The following FLRT1 variants were observed in gnomAD, a reference collection of about 807,000 sequenced individuals.
FLRT1 encodes leucine-rich repeat transmembrane protein FLRT1.
In FLRT1, 14 loss-of-function variants were observed where a neutral mutation model predicts 30.9. The ratio of observed to expected loss-of-function variants is 0.45; its 90% CI spans 0.30 to 0.71. The LOEUF is 0.71. FLRT1 is among the 30% of genes least tolerant of loss of function. FLRT1 has a pLI of 0.08. For synonymous variants in FLRT1, 368 were observed against 430.4 expected (o/e 0.85, Z 1.80); for missense variants, 737 against 949.2 (o/e 0.78, Z 2.94).
At chr11:64,113,877 T>A (rs1944912577) in intron 2 of FLRT1, among the ~76,000 whole-genome samples, 1 of 142,754 alleles carries the variant, frequency 7.0e-6, no homozygotes, top group African/African-American at 2.6e-5. Context: ...GATACATGGA[T>A]GGATGGATGG....
chr11:64,038,621 A>C (rs951872032), intron 1 of FLRT1, among the ~76,000 whole-genome samples: 2 of 152,160 alleles, frequency 1.3e-5, no homozygotes, highest in African/African-American at 4.8e-5. Flanking sequence ...TGGGGCTAGC[A>C]GCCCCCTCCC....
rs1454960628 is a variant in FLRT1 at position 64,103,493 on chromosome 11, T to C, written c.-738T>C. 1 of 151,392 alleles carries C rather than the reference T, an allele frequency of 6.6e-6. No homozygotes were observed. Among genetic ancestry groups the C allele is most frequent in the Non-Finnish European group, 1.5e-5 (1 of 68,064 alleles). 9.4% of individuals were successfully genotyped at this position (151,392 alleles called of 1,614,324 possible). A position where few individuals can be genotyped will look rare whatever the true frequency, so the allele number is the denominator to read the frequency against. The stretch of plus-strand genomic sequence containing the variant: ...GGAGACACAGCCTGAGTGGCAGGAA[T>C]ACAGAGCCTTTGGAGAGTGGCTCCC... On this transcript the variant is annotated 5_prime_UTR_variant, in exon 2 of 3. Transcript: ENST00000682287.
intron 2 of FLRT1, among the ~76,000 whole-genome samples, chr11:64,105,557 C>T (rs916412566): frequency 6.6e-5 from 10 of 152,180 alleles, no homozygotes; most frequent in South Asian, 2.1e-4. Flanking sequence ...CATTCTATGA[C>T]GTGCCCAACA....
intron 1 of FLRT1, among the ~76,000 whole-genome samples, chr11:64,051,544 A>T (rs1943695507): frequency 6.6e-6 from 1 of 151,992 alleles, no homozygotes; most frequent in Non-Finnish European, 1.5e-5. Context: ...CGGGCAGGCT[A>T]ACAGCTGTTT....
At chr11:64,087,622 C>T (rs913956584) in intron 1 of FLRT1, among the ~76,000 whole-genome samples, 11 of 152,326 alleles carry the variant, frequency 7.2e-5, no homozygotes, top group African/African-American at 2.4e-4. Flanking sequence ...GCCTTGCCCG[C>T]GGCCCCAGCC....
In FLRT1 at chr11:64,113,417, CATGGATGG is replaced by C. The variant is rs71045732; in HGVS notation, c.-49-2776_-49-2769del. Among the ~76,000 whole-genome samples, 143 of 144,822 alleles carry C rather than the reference CATGGATGG, an allele frequency of 9.9e-4. 1 individual carries two copies. Among genetic ancestry groups the C allele is most frequent in the Non-Finnish European group, 1.5e-3 (100 of 65,692 alleles). Reference sequence around the variant, plus strand: ...GCATGTGTGAATGGACAGGTTGATGCATGGATGGATGGATGGATGGATGGATGGATGGA... The same window carrying C: ...GCATGTGTGAATGGACAGGTTGATGCATGGATGGATGGATGGATGGATGGA... On this transcript the variant is annotated intron_variant, in intron 2 of 2. Coordinates refer to ENST00000682287, the MANE Select transcript of FLRT1 (RefSeq NM_013280.5).
chr11:64,064,083 G>GTC lies in FLRT1; in HGVS notation c.-1038+27934_-1038+27935dup, dbSNP rs1369621129. Among the ~76,000 whole-genome samples, 5 of 152,108 alleles carry GTC rather than the reference G, an allele frequency of 3.3e-5. No individual in the cohort carries two copies. The highest frequency in any genetic ancestry group is 1.9e-4 in the East Asian group (1 of 5,194). On this transcript the variant is annotated intron_variant, in intron 1 of 2. Transcript: ENST00000682287. This position sits in a 1 kb window ranked among gnomAD's most constrained non-coding sequence, Gnocchi z 4.5. ...ACAGCGACACCCACACAAACCCGAG[G>GTC]TCTCTCTCTCTGCGCCCCCTATCTC... is the stretch of plus-strand genomic sequence containing the variant.
Position 64,036,674 on chromosome 11 carries a change from A to AG in FLRT1, c.-1038+521dup, listed in dbSNP as rs1374391295. Among the ~76,000 whole-genome samples the AG allele has an allele frequency of 5.9e-5, 9 of 152,154 alleles. No homozygotes were observed. In the East Asian group the frequency reaches 1.2e-3, roughly 20 times the overall value. ...AGGTTTTATTTTTAAAACGACTTCA[A>AG]GGGGGGCATGAGCAGCCTCCAACTT... On this transcript the variant is annotated intron_variant, in intron 1 of 2. Coordinates refer to ENST00000682287, the MANE Select transcript of FLRT1 (RefSeq NM_013280.5). This position sits in a 1 kb window ranked among gnomAD's most constrained non-coding sequence, Gnocchi z 5.6.
At chr11:64,101,717 C>T (rs1944674532) in intron 1 of FLRT1, among the ~76,000 whole-genome samples, 1 of 152,222 alleles carries the variant, frequency 6.6e-6, no homozygotes, top group Admixed American at 6.5e-5. Flanking sequence ...TGCAGGGACT[C>T]TGTCCTCATC....
rs181350591 is a variant in FLRT1, at chr11:64,036,094, C to T, written c.-1103C>T. 0.014 allele frequency: 2,188 copies of T among 151,904 alleles called. 27 individuals are homozygous for T. Among genetic ancestry groups the T allele is most frequent in the Middle Eastern group, 0.044 (13 of 294 alleles). 9.4% of individuals were successfully genotyped at this position (151,904 alleles called of 1,614,324 possible). ...GGTTCCCGCCCGCTCCTTGGAATAACCCCTGAGGCTCCAGCCGTCACCGCA... is the reference window on the plus strand; with the variant it reads ...GGTTCCCGCCCGCTCCTTGGAATAATCCCTGAGGCTCCAGCCGTCACCGCA... On this transcript the variant is annotated 5_prime_UTR_variant, in exon 1 of 3. Transcript: ENST00000682287. This position sits in a 1 kb window ranked among gnomAD's most constrained non-coding sequence, Gnocchi z 5.6.
chr11:64,070,729 C>T (rs1944093187), intron 1 of FLRT1, among the ~76,000 whole-genome samples: 1 of 152,222 alleles, frequency 6.6e-6, no homozygotes, highest in African/African-American at 2.4e-5. Flanking sequence ...AAAACAGCTG[C>T]CTGCTCCTCC....
chr11:64,113,811 A>G (rs62644043), intron 2 of FLRT1, among the ~76,000 whole-genome samples: 77,335 of 139,146 alleles, frequency 0.56, 23,590 homozygotes, highest in Non-Finnish European at 0.69. Flanking sequence ...TGGATGAATG[A>G]ACAGGTGGAC....
intron 2 of FLRT1, among the ~76,000 whole-genome samples, chr11:64,110,171 C>T (rs1251087733): frequency 2.6e-5 from 4 of 152,014 alleles, no homozygotes; most frequent in African/African-American, 9.7e-5. Flanking sequence ...AGCCTGAGGC[C>T]CGGCGTGGTG....
intron 1 of FLRT1, among the ~76,000 whole-genome samples, chr11:64,065,199 T>C (rs1181270796): frequency 1.3e-5 from 2 of 152,076 alleles, no homozygotes; most frequent in African/African-American, 4.8e-5. Context: ...GAAGCAGGCC[T>C]GGGGTCAGAG....
chr11:64,069,759 T>C (rs1246673304), intron 1 of FLRT1, among the ~76,000 whole-genome samples: 5 of 152,186 alleles, frequency 3.3e-5, no homozygotes, highest in African/African-American at 9.6e-5. Context: ...CCTAAATGCT[T>C]CGCCAGGAAA....
intron 1 of FLRT1, among the ~76,000 whole-genome samples, chr11:64,073,058 G>A (rs957852932): frequency 1.4e-4 from 22 of 152,154 alleles, no homozygotes; most frequent in African/African-American, 5.3e-4. Context: ...AGCTCCTGAC[G>A]GCACAGAGCC....
intron 1 of FLRT1, among the ~76,000 whole-genome samples, chr11:64,042,167 C>T (rs1013579814): frequency 4.6e-5 from 7 of 152,178 alleles, no homozygotes; most frequent in Admixed American, 4.6e-4. Context: ...GGCACACATG[C>T]ACCTTCATGC....
At chr11:64,040,755 G>A (rs1399600424) in intron 1 of FLRT1, among the ~76,000 whole-genome samples, 1 of 152,156 alleles carries the variant, frequency 6.6e-6, no homozygotes, top group Non-Finnish European at 1.5e-5. Flanking sequence ...GAATGTTCCC[G>A]GTGCAGGGAA....
Position 64,096,871 on chromosome 11 carries a change from C to T in FLRT1, c.-1037-6323C>T, listed in dbSNP as rs966015853. Among the ~76,000 whole-genome samples, 14 of 152,332 alleles carry T rather than the reference C, an allele frequency of 9.2e-5. No homozygotes were observed. The highest frequency in any genetic ancestry group is 2.4e-4 in the African/African-American group (10 of 41,586). On this transcript the variant is annotated intron_variant, in intron 1 of 2. Transcript: ENST00000682287. This position sits in a 1 kb window ranked among gnomAD's most constrained non-coding sequence, Gnocchi z 4.6. Reference sequence around the variant, plus strand: ...GCTGTGTCCCTTCGAGGGCCTCCCCCGGCAGAGCTGAGAGCCGATGCCTGT... The same window carrying T: ...GCTGTGTCCCTTCGAGGGCCTCCCCTGGCAGAGCTGAGAGCCGATGCCTGT...
Sources: gnomAD v4.1 joint callset for allele counts (sites outside exome capture counted in the v4.1 genomes callset) on GRCh38, gnomAD v4.1.1 for gene constraint, Gnocchi (gnomAD v3.1) non-coding constraint, MANE v1.5 for transcripts, NCBI Gene and HGNC (gene_info 2026-07-23, HGNC 2026-07-21) for gene names.